The following THSD7B variants were observed in gnomAD, a reference collection of about 807,000 sequenced individuals.
The protein encoded by THSD7B is thrombospondin type-1 domain-containing protein 7B.
Under a neutral mutation model 213.6 loss-of-function variants are expected in THSD7B, and 138 were observed. The observed-to-expected ratio is 0.65, with a 90% confidence interval of 0.56 to 0.74. THSD7B has a LOEUF of 0.74. THSD7B is among the 30% of genes least tolerant of loss of function. The probability of loss-of-function intolerance (pLI) is 0.00; values close to 1 mark genes in which losing one functional copy is unlikely to be tolerated. For synonymous variants in THSD7B, 742 were observed against 687.0 expected (o/e 1.08, Z -1.25); for missense variants, 1,931 against 1,991.5 (o/e 0.97, Z 0.58).
chr2:137,312,375 T>C (rs931705928), intron 12 of THSD7B, among the ~76,000 whole-genome samples: 2 of 150,536 alleles, frequency 1.3e-5, no homozygotes, highest in African/African-American at 4.9e-5. Context: ...TTTTTTATTG[T>C]GTCTATTTGA....
chr2:137,409,599 A>G (rs1024669700), intron 13 of THSD7B, among the ~76,000 whole-genome samples: 6 of 152,204 alleles, frequency 3.9e-5, no homozygotes, highest in African/African-American at 1.4e-4. Flanking sequence ...TATGTATGAT[A>G]ATTAACACTC....
At chr2:137,395,071 A>G (rs1343354450) in intron 12 of THSD7B, among the ~76,000 whole-genome samples, 6 of 141,708 alleles carry the variant, frequency 4.2e-5, no homozygotes, top group Admixed American at 7.0e-5. Flanking sequence ...GGCTGAGACA[A>G]TGGGGTTTTC....
chr2:137,379,629 A>G (rs1685730549), intron 12 of THSD7B, among the ~76,000 whole-genome samples: 1 of 152,238 alleles, frequency 6.6e-6, no homozygotes, highest in African/African-American at 2.4e-5. Context: ...ATAGCAAGTA[A>G]AAGATCTCTT....
intron 1 of THSD7B, among the ~76,000 whole-genome samples, chr2:136,783,499 G>A (rs1275633172): frequency 6.6e-6 from 1 of 152,120 alleles, no homozygotes; most frequent in East Asian, 1.9e-4. Context: ...CAGCAGAAAG[G>A]AGAGACCAAT....
chr2:137,193,769 A>T (rs1345491064), intron 7 of THSD7B, among the ~76,000 whole-genome samples: 1 of 151,952 alleles, frequency 6.6e-6, no homozygotes, highest in East Asian at 1.9e-4. Context: ...GCCAGAACTC[A>T]TAAGGTTACG....
intron 17 of THSD7B, among the ~76,000 whole-genome samples, chr2:137,608,253 C>T (rs1217747717): frequency 1.3e-5 from 2 of 152,120 alleles, no homozygotes; most frequent in Non-Finnish European, 2.9e-5. Flanking sequence ...AGCTTATAAG[C>T]TATAGTTCCT....
At chr2:136,841,973 T>A (rs1337799766) in intron 1 of THSD7B, among the ~76,000 whole-genome samples, 1 of 152,210 alleles carries the variant, frequency 6.6e-6, no homozygotes, top group Non-Finnish European at 1.5e-5. Context: ...ATGCTTATTT[T>A]TTCTGAAGAA....
chr2:137,406,637 G>A (rs1234973382), intron 13 of THSD7B, among the ~76,000 whole-genome samples: 1 of 152,180 alleles, frequency 6.6e-6, no homozygotes, highest in Non-Finnish European at 1.5e-5. Context: ...AGACCCTTTT[G>A]TCTGAATGCA....
intron 2 of THSD7B, among the ~76,000 whole-genome samples, chr2:137,019,971 G>T (rs976234055): frequency 1.8e-4 from 27 of 152,178 alleles, no homozygotes; most frequent in Non-Finnish European, 2.4e-4. Flanking sequence ...TCTGTAAATA[G>T]TGATAATAAT....
chr2:137,472,980 GTT>G (rs1558807964), intron 15 of THSD7B, among the ~76,000 whole-genome samples: 1 of 151,796 alleles, frequency 6.6e-6, no homozygotes. Context: ...TATTTTAAAA[GTT>G]TTTATGTACT....
At chr2:137,497,952 G>A (rs889990710) in intron 15 of THSD7B, among the ~76,000 whole-genome samples, 10 of 152,174 alleles carry the variant, frequency 6.6e-5, no homozygotes, top group African/African-American at 1.7e-4. Flanking sequence ...CCTTCCTGCC[G>A]AGAACTTATA....
At chr2:137,283,605 T>G (rs1469624190) in intron 12 of THSD7B, among the ~76,000 whole-genome samples, 1 of 152,222 alleles carries the variant, frequency 6.6e-6, no homozygotes, top group Non-Finnish European at 1.5e-5. Flanking sequence ...GTTTTTAGCA[T>G]GAAGCGTTGT....
chr2:137,160,368 G>T lies in THSD7B; in HGVS notation c.1525G>T (p.Gly509Ter). The change falls in exon 6 of 28, where the codon GGA becomes TGA. Residue 509 changes from glycine to a stop codon, truncating the protein, a stop_gained and splice_region_variant. Transcript: ENST00000409968. LOFTEE classifies it high-confidence loss of function. Reference protein sequence around the residue: ...ENCHDPQGKKGFRTRQRHVLM... With the variant: ...ENCHDPQGKK ...CTGTCATGATCCTCAGGGGAAAAAA[G>T]GTGAGTGCCTTGTTTGCATGCGCTT... is the stretch of plus-strand genomic sequence containing the variant. 1 of 1,611,198 alleles carries T rather than the reference G, an allele frequency of 6.2e-7. No individual in the cohort carries two copies. Among genetic ancestry groups the T allele is most frequent in the East Asian group, 2.2e-5 (1 of 44,790 alleles).
chr2:137,619,761 T>A (rs1682480663), intron 19 of THSD7B, among the ~76,000 whole-genome samples: 1 of 152,160 alleles, frequency 6.6e-6, no homozygotes, highest in Non-Finnish European at 1.5e-5. Flanking sequence ...TTTAAAGCAA[T>A]CTCAAATTAT....
At chr2:137,450,362 C>T (rs1205709882) in intron 14 of THSD7B, among the ~76,000 whole-genome samples, 2 of 152,234 alleles carry the variant, frequency 1.3e-5, no homozygotes, top group Non-Finnish European at 2.9e-5. Context: ...TAATATCCCA[C>T]TCTTCCTAAT....
intron 11 of THSD7B, among the ~76,000 whole-genome samples, chr2:137,275,371 A>C (rs147981002): frequency 6.6e-6 from 1 of 152,162 alleles, no homozygotes; most frequent in East Asian, 1.9e-4. Flanking sequence ...CCTTATAAAA[A>C]TTTGAAGCAG....
At chr2:137,408,483 T>C (rs1435990674) in intron 13 of THSD7B, among the ~76,000 whole-genome samples, 1 of 152,150 alleles carries the variant, frequency 6.6e-6, no homozygotes, top group African/African-American at 2.4e-5. Context: ...GCGATCTAAT[T>C]GGAGATACGG....
At chr2:136,973,393 T>C (rs888315879) in intron 2 of THSD7B, among the ~76,000 whole-genome samples, 2 of 152,196 alleles carry the variant, frequency 1.3e-5, no homozygotes, top group Non-Finnish European at 2.9e-5. Flanking sequence ...TCTTTCACTT[T>C]TATATTCTAT....
At chr2:136,772,098 C>A (rs1020114103) in intron 1 of THSD7B, among the ~76,000 whole-genome samples, 8 of 151,756 alleles carry the variant, frequency 5.3e-5, no homozygotes, top group Non-Finnish European at 8.8e-5. Context: ...AAGGTGAATG[C>A]AACTGGTAAA....
Sources: gnomAD v4.1 joint callset for allele counts (sites outside exome capture counted in the v4.1 genomes callset) on GRCh38, gnomAD v4.1.1 for gene constraint, MANE v1.5 for transcripts, NCBI Gene and HGNC (gene_info 2026-07-23, HGNC 2026-07-21) for gene names.